Variants in DPEP2 observed in about 807,000 individuals in gnomAD.
The protein encoded by DPEP2 is dipeptidase 2.
DPEP2 carries 45 observed loss-of-function variants against 51.8 expected under a neutral mutation model. That is an observed-to-expected ratio of 0.87 (90% CI 0.68 to 1.11). The LOEUF (loss-of-function observed/expected upper bound fraction) is 1.11, where lower values mean the gene tolerates loss of function less well. Among genes scored for constraint, DPEP2 ranks in the 50% most tolerant of loss-of-function variants. The probability of loss-of-function intolerance (pLI) is 0.00; values close to 1 mark genes in which losing one functional copy is unlikely to be tolerated. For missense variants in DPEP2, 604 were observed against 631.9 expected, an observed-to-expected ratio of 0.96 and a Z score of 0.47; for synonymous variants, 255 against 262.7, an observed-to-expected ratio of 0.97 and a Z score of 0.28.
At position 67,991,332 on chromosome 16, in the gene DPEP2, A is replaced by G. The variant is rs1311986388; in HGVS notation, c.663-148T>C. 5 of 705,550 alleles carry G rather than the reference A, an allele frequency of 7.1e-6. No individual in the cohort carries two copies. In the African/African-American group the frequency reaches 9.0e-5, roughly 13 times the overall value. 43.7% of individuals were successfully genotyped at this position (705,550 alleles called of 1,614,324 possible). A position where few individuals can be genotyped will look rare whatever the true frequency, so the allele number is the denominator to read the frequency against. On this transcript the variant is annotated intron_variant, in intron 5 of 10. Coordinates refer to ENST00000393847, the MANE Select transcript of DPEP2 (RefSeq NM_022355.4). This position sits in a 1 kb window ranked among gnomAD's most constrained non-coding sequence, Gnocchi z 5.1. Reference sequence around the variant, plus strand: ...CTGCAAATGGGCCATGCCTGGCAGCAGGAGGGCCCTGCTGGGTCCAGTCTT... The same window carrying G: ...CTGCAAATGGGCCATGCCTGGCAGCGGGAGGGCCCTGCTGGGTCCAGTCTT...
intron 3 of DPEP2, 28 bp downstream of exon 3, chr16:67,992,482 T>C (rs1567448492): frequency 6.3e-7 from 1 of 1,593,316 alleles, no homozygotes; most frequent in South Asian, 1.1e-5. Flanking sequence ...GCAGCCATGC[T>C]GTGGCACCTC....
Position 67,987,990 on chromosome 16 carries a change from G to A in DPEP2, c.1071-3C>T. On this transcript the variant is annotated splice_polypyrimidine_tract_variant and splice_region_variant and intron_variant, in intron 9 of 10. Coordinates refer to ENST00000393847, the MANE Select transcript of DPEP2 (RefSeq NM_022355.4). ...CGTCTTCCAGCCCCTGAGGGAATCT[G>A]TGTGGCCACCAGCTAGTGGGTTTCA... The A allele has an allele frequency of 1.2e-6, 2 of 1,614,122 alleles. No individual in the cohort carries two copies. Among genetic ancestry groups the A allele is most frequent in the Non-Finnish European group, 1.7e-6 (2 of 1,180,022 alleles).
chr16:67,991,215 G>A lies in DPEP2; in HGVS notation c.663-31C>T, dbSNP rs774883096. On this transcript the variant is annotated intron_variant, in intron 5 of 10. Transcript: ENST00000393847. This position sits in a 1 kb window ranked among gnomAD's most constrained non-coding sequence, Gnocchi z 5.1. ...GGGTGGCCAGGAAGCAGTCTGACTG[G>A]TAGCTGTTCCTCGGCCTCAAGAGTC... 1.2e-6 allele frequency: 2 copies of A among 1,610,446 alleles called. No homozygotes were observed. The highest frequency in any genetic ancestry group is 2.2e-5 in the East Asian group (1 of 44,850).
In DPEP2 at chr16:67,993,172, C is replaced by G; in HGVS notation, c.41G>C (p.Arg14Pro). Reference sequence around the variant, plus strand: ...GAGCAGCAGACTCAGCAGAGGCCACCGACCAAACGTGCCGGGACCCTCGAG... The same window carrying G: ...GAGCAGCAGACTCAGCAGAGGCCACGGACCAAACGTGCCGGGACCCTCGAG... ...SGLEGPGTFG[R>P]WPLLSLLLLL... The change falls in exon 2 of 11, where the codon CGG becomes CCG. Residue 14 changes from arginine (R) to proline (P), a missense_variant. By Grantham distance (103) the Arg-to-Pro change is moderately radical. Transcript: ENST00000393847. 1 of 1,502,642 alleles carries G rather than the reference C, an allele frequency of 6.7e-7. No individual in the cohort carries two copies. 93.1% of individuals were successfully genotyped at this position (1,502,642 alleles called of 1,614,324 possible).
At chr16:68,000,324 C>T (rs919512505), upstream of DPEP2, 8 of 512,828 alleles carry the variant, frequency 1.6e-5, no homozygotes, top group Admixed American at 6.4e-5. Context: ...GCAGCTCACT[C>T]GCCCCTACTC....
rs889624935 is a variant in DPEP2 at position 67,987,450 on chromosome 16, C to A, written c.*56G>T. The A allele has an allele frequency of 3.8e-6, 6 of 1,568,904 alleles. No homozygotes were observed. The highest frequency in any genetic ancestry group is 1.4e-5 in the African/African-American group (1 of 73,868). ...TATTTGTGCCTGCACAACAGGGGAA[C>A]TTTGTGGGGTGTCTGTGGCTTGCTA... On this transcript the variant is annotated 3_prime_UTR_variant, in exon 11 of 11. Transcript: ENST00000393847.
chr16:67,992,822 G>A (rs926253627), intron 2 of DPEP2, 128 bp downstream of exon 2: 1 of 1,479,468 alleles, frequency 6.8e-7, no homozygotes, highest in African/African-American at 1.4e-5. Flanking sequence ...GGGTACCCAT[G>A]CATGACGGGA....
At chr16:67,999,697 G>T (rs996936502), upstream of DPEP2, 1 of 157,612 alleles carries the variant, frequency 6.3e-6, no homozygotes, top group Non-Finnish European at 1.4e-5. Context: ...GAGGTGAGAG[G>T]ATCTCTTGAA....
At position 67,989,413 on chromosome 16, in the gene DPEP2, G is replaced by A. The variant is rs763204856; in HGVS notation, c.995-15C>T. On this transcript the variant is annotated splice_polypyrimidine_tract_variant and intron_variant, in intron 8 of 10. Coordinates refer to ENST00000393847, the MANE Select transcript of DPEP2 (RefSeq NM_022355.4). ...GTCGAAGTGATCTGGGGAGGGGGAAGGTGGACAGTCAGCTGCGTAGGGCTT... is the reference window on the plus strand; with the variant it reads ...GTCGAAGTGATCTGGGGAGGGGGAAAGTGGACAGTCAGCTGCGTAGGGCTT... The A allele has an allele frequency of 6.2e-7, 1 of 1,614,162 alleles. No homozygotes were observed. The highest frequency in any genetic ancestry group is 2.2e-5 in the East Asian group (1 of 44,882).
intron 8 of DPEP2, among the ~76,000 whole-genome samples, chr16:67,989,797 A>T (rs2031894820): frequency 6.6e-6 from 1 of 152,174 alleles, no homozygotes; most frequent in Admixed American, 6.5e-5. Context: ...CCAGAGGCCG[A>T]GGAAGGGTGC....
rs377688226 is a variant in DPEP2, at chr16:67,991,939, T to C, written c.561A>G (p.Val187=). 7.4e-6 allele frequency: 12 copies of C among 1,614,194 alleles called. No homozygotes were observed. In the African/African-American group the frequency reaches 1.3e-4, roughly 18 times the overall value. Residue 187 remains valine (V), a synonymous_variant, in exon 5 of 11, where the codon GTA becomes GTG. Coordinates refer to ENST00000393847, the MANE Select transcript of DPEP2 (RefSeq NM_022355.4). The surrounding 1 kb of genome is among the most constrained non-coding windows in gnomAD (Gnocchi z 5.1). The part of the protein sequence containing the change: ...DTQKLACLIG[V]EGGHSLDNSL... ...TATTGTCCAGCGAGTGGCCACCCTCTACACCGATGAGGCAGGCCAATTTCT... is the reference window on the plus strand; with the variant it reads ...TATTGTCCAGCGAGTGGCCACCCTCCACACCGATGAGGCAGGCCAATTTCT...
chr16:67,989,682 T>C, intron 8 of DPEP2, among the ~76,000 whole-genome samples: 1 of 152,238 alleles, frequency 6.6e-6, no homozygotes, highest in East Asian at 1.9e-4. Flanking sequence ...TTTGAGAACC[T>C]GGTAGGAACT....
At chr16:67,992,814 G>C in intron 2 of DPEP2, 136 bp downstream of exon 2, 1 of 1,477,018 alleles carries the variant, frequency 6.8e-7, no homozygotes, top group Non-Finnish European at 9.0e-7. Flanking sequence ...AGGGGAAAGG[G>C]TACCCATGCA....
At chr16:67,988,390 CAAA>C (rs927871862) in intron 9 of DPEP2, among the ~76,000 whole-genome samples, 2 of 132,704 alleles carry the variant, frequency 1.5e-5, no homozygotes, top group Admixed American at 1.5e-4. Context: ...ACTAAAAAGA[CAAA>C]AAAGAAAGAA....
chr16:67,998,710 G>A (rs1415391614), intron 1 of DPEP2, among the ~76,000 whole-genome samples: 1 of 151,206 alleles, frequency 6.6e-6, no homozygotes, highest in East Asian at 1.9e-4. Context: ...CAATCTTTAC[G>A]TCTAGCTCAG....
In DPEP2 at chr16:67,987,953, G is replaced by C. The variant is rs1365482368; in HGVS notation, c.1105C>G (p.Pro369Ala). Residue 369 changes from proline to alanine, a missense_variant, in exon 10 of 11, where the codon CCG becomes GCG. Coordinates refer to ENST00000393847, the MANE Select transcript of DPEP2 (RefSeq NM_022355.4). ...CTCAGCAACTCCTCTATCAGGACCG[G>C]GTATGTGGACACGTCTTCCAGCCCC... ...PQGLEDVSTYPVLIEELLSRG... is the reference protein window; with the variant it reads ...PQGLEDVSTYAVLIEELLSRG... The C allele has an allele frequency of 1.2e-6, 2 of 1,614,114 alleles. No homozygotes were observed. Among genetic ancestry groups the C allele is most frequent in the African/African-American group, 1.3e-5 (1 of 75,004 alleles).
chr16:67,989,198 A>G, intron 9 of DPEP2, 125 bp downstream of exon 9: 1 of 1,025,526 alleles, frequency 9.8e-7, no homozygotes, highest in Non-Finnish European at 1.5e-6. Flanking sequence ...GAAGACAAAC[A>G]GGAGAGCCCA....
chr16:67,993,532 C>T (rs999951776), intron 1 of DPEP2: 24 of 1,100,612 alleles, frequency 2.2e-5, no homozygotes, highest in Non-Finnish European at 2.5e-5. Flanking sequence ...TTTACTCCTC[C>T]CACTGTCCCC....
chr16:67,998,358 G>A (rs2032821610), intron 1 of DPEP2, among the ~76,000 whole-genome samples: 1 of 152,184 alleles, frequency 6.6e-6, no homozygotes, highest in African/African-American at 2.4e-5. Flanking sequence ...TGGCACCCGG[G>A]CCAGTGGCTG....
Sources: allele counts gnomAD v4.1 joint callset (sites outside exome capture counted in the v4.1 genomes callset), GRCh38; gene constraint gnomAD v4.1.1; non-coding constraint Gnocchi (gnomAD v3.1); transcripts MANE v1.5; gene names NCBI Gene and HGNC (gene_info 2026-07-23, HGNC 2026-07-21).